The following AKAP6 variants were observed in gnomAD, a reference collection of about 807,000 sequenced individuals.
AKAP6 encodes A-kinase anchoring protein 6, also known as A-kinase anchor protein 6.
Under a neutral mutation model 188.5 loss-of-function variants are expected in AKAP6, and 58 were observed. That is an observed-to-expected ratio of 0.31 (90% CI 0.25 to 0.38). The LOEUF (loss-of-function observed/expected upper bound fraction) is 0.38. Among genes scored for constraint, AKAP6 ranks in the 10% least tolerant of loss-of-function variants. The pLI is 1.00. For missense variants in AKAP6, 2,710 were observed against 2,740.0 expected (o/e 0.99, Z 0.24); for synonymous variants, 989 against 998.6 (o/e 0.99, Z 0.18).
chr14:32,705,807 G>T (rs1175948040), intron 9 of AKAP6, among the ~76,000 whole-genome samples: 1 of 152,064 alleles, frequency 6.6e-6, no homozygotes, highest in Non-Finnish European at 1.5e-5. Flanking sequence ...GCTCTGCTTG[G>T]CATTGTCCTC....
chr14:32,747,206 A>AACC (rs1208351093), intron 11 of AKAP6, among the ~76,000 whole-genome samples: 1 of 152,180 alleles, frequency 6.6e-6, no homozygotes, highest in African/African-American at 2.4e-5. Flanking sequence ...CTGACCCCAA[A>AACC]ACCACATTTA....
chr14:32,706,681 TCA>T (rs529176222), intron 9 of AKAP6, among the ~76,000 whole-genome samples: 122 of 152,226 alleles, frequency 8.0e-4, no homozygotes, highest in Middle Eastern at 3.4e-3. Context: ...TTTGTGAAAC[TCA>T]TACATTCTTA....
At chr14:32,350,953 A>G (rs997217080) in intron 1 of AKAP6, among the ~76,000 whole-genome samples, 3 of 152,130 alleles carry the variant, frequency 2.0e-5, no homozygotes, top group African/African-American at 7.2e-5. Flanking sequence ...GATATTTTCT[A>G]TGATGTGTAG....
chr14:32,787,134 C>T (rs1434160256), intron 12 of AKAP6, among the ~76,000 whole-genome samples: 1 of 152,182 alleles, frequency 6.6e-6, no homozygotes, highest in Non-Finnish European at 1.5e-5. Flanking sequence ...TAACCAATTA[C>T]CACATTTTAA....
chr14:32,740,927 G>T (rs2031642739), intron 11 of AKAP6, among the ~76,000 whole-genome samples: 2 of 151,370 alleles, frequency 1.3e-5, no homozygotes, highest in South Asian at 4.2e-4. Flanking sequence ...GATAGAGATT[G>T]TATTGAATTT....
chr14:32,780,815 T>A (rs1216215174), intron 12 of AKAP6, among the ~76,000 whole-genome samples: 1 of 152,162 alleles, frequency 6.6e-6, no homozygotes, highest in East Asian at 1.9e-4. Flanking sequence ...TATTTGACTA[T>A]AATAGAATTA....
At chr14:32,360,419 G>A (rs561328279) in intron 1 of AKAP6, among the ~76,000 whole-genome samples, 10 of 152,098 alleles carry the variant, frequency 6.6e-5, no homozygotes, top group South Asian at 2.1e-4. Context: ...GAGCCACCGC[G>A]CCTGGCCTAT....
chr14:32,532,789 G>T (rs529965160), intron 2 of AKAP6, among the ~76,000 whole-genome samples: 6 of 152,286 alleles, frequency 3.9e-5, no homozygotes, highest in Admixed American at 1.3e-4. Flanking sequence ...GAGTATGAGG[G>T]AGTGGAGACT....
At chr14:32,499,878 C>A (rs1363391635) in intron 2 of AKAP6, among the ~76,000 whole-genome samples, 1 of 151,886 alleles carries the variant, frequency 6.6e-6, no homozygotes, top group Non-Finnish European at 1.5e-5. Flanking sequence ...AATACTCATT[C>A]ATACCAAAGA....
chr14:32,442,700 G>T (rs576428603), intron 2 of AKAP6: 1 of 152,056 alleles, frequency 6.6e-6, no homozygotes, highest in South Asian at 2.1e-4. Flanking sequence ...CGGATATGAG[G>T]GTGGGGGGCT....
At chr14:32,515,359 CA>C (rs1374828527) in intron 2 of AKAP6, among the ~76,000 whole-genome samples, 3 of 152,078 alleles carry the variant, frequency 2.0e-5, no homozygotes, top group African/African-American at 7.2e-5. Context: ...GGGGACACAG[CA>C]AAACTATATC....
At chr14:32,465,729 A>G (rs186131133) in intron 2 of AKAP6, among the ~76,000 whole-genome samples, 1 of 152,342 alleles carries the variant, frequency 6.6e-6, no homozygotes, top group East Asian at 1.9e-4. Context: ...AAAATTGACA[A>G]ATGGGATCTA....
chr14:32,565,323 AT>A (rs35895764), intron 4 of AKAP6, among the ~76,000 whole-genome samples: 2,260 of 152,354 alleles, frequency 0.015, 23 homozygotes, highest in Non-Finnish European at 0.026. Flanking sequence ...ACTGGAAAAA[AT>A]TCTCCTTCTG....
At chr14:32,369,757 T>C (rs28439789) in intron 1 of AKAP6, among the ~76,000 whole-genome samples, 20,767 of 152,228 alleles carry the variant, frequency 0.14, 2,582 homozygotes, top group African/African-American at 0.33. Flanking sequence ...CAAAACAAAA[T>C]GTGTAAGTTC....
intron 7 of AKAP6, among the ~76,000 whole-genome samples, chr14:32,631,055 A>G (rs563924644): frequency 6.6e-6 from 1 of 152,016 alleles, no homozygotes; most frequent in East Asian, 1.9e-4. Flanking sequence ...TTAGATCAAG[A>G]TATTTTATAC....
At chr14:32,428,602 C>A (rs1390566170) in intron 1 of AKAP6, among the ~76,000 whole-genome samples, 1 of 152,158 alleles carries the variant, frequency 6.6e-6, no homozygotes, top group African/African-American at 2.4e-5. Context: ...CTTTTCTGTT[C>A]TTTTATTTAA....
In AKAP6 at chr14:32,826,000, A is replaced by G. The variant is rs75807095; in HGVS notation, c.*42+1185A>G. On this transcript the variant is annotated intron_variant, in intron 13 of 13. Coordinates refer to ENST00000280979, the MANE Select transcript of AKAP6 (RefSeq NM_004274.5). ...AAATACATCTTTTAAAATGTGACAG[A>G]TAAATGTTGTTCCCATAATGTATTA... Among the ~76,000 whole-genome samples the G allele has an allele frequency of 1.7e-3, 257 of 152,352 alleles. 1 individual carries two copies. Among genetic ancestry groups the G allele is most frequent in the South Asian group, 3.1e-3 (15 of 4,828 alleles).
intron 7 of AKAP6, among the ~76,000 whole-genome samples, chr14:32,626,094 A>C (rs1029746489): frequency 6.6e-6 from 1 of 152,122 alleles, no homozygotes; most frequent in African/African-American, 2.4e-5. Context: ...TCTCATTTTC[A>C]TACCCACTGG....
intron 7 of AKAP6, among the ~76,000 whole-genome samples, chr14:32,618,495 G>A (rs1006834931): frequency 5.9e-5 from 9 of 152,084 alleles, no homozygotes; most frequent in South Asian, 2.1e-4. Context: ...TAACCCTCAC[G>A]TCCATCCAAG....
Sources: allele counts gnomAD v4.1 joint callset (sites outside exome capture counted in the v4.1 genomes callset), GRCh38; gene constraint gnomAD v4.1.1; transcripts MANE v1.5; gene names NCBI Gene and HGNC (gene_info 2026-07-23, HGNC 2026-07-21).